Variants in RUFY1 observed in about 807,000 individuals in gnomAD.
The protein encoded by RUFY1 is RUN and FYVE domain containing 1.
In RUFY1, 54 loss-of-function variants were observed where a neutral mutation model predicts 94.6. The observed-to-expected ratio is 0.57, with a 90% CI of 0.46 to 0.72. The LOEUF (loss-of-function observed/expected upper bound fraction) is 0.72. Among genes scored for constraint, RUFY1 ranks in the 30% least tolerant of loss-of-function variants. RUFY1 has a pLI of 0.00. For missense variants in RUFY1, 883 were observed against 883.9 expected, an observed-to-expected ratio of 1.00 and a Z score of 0.01; for synonymous variants, 396 against 347.3, an observed-to-expected ratio of 1.14 and a Z score of -1.56.
rs561005868 is a variant in RUFY1, at chr5:179,583,851, G to A, written c.957-1945G>A. Among the ~76,000 whole-genome samples the A allele has an allele frequency of 5.3e-5, 8 of 152,042 alleles. No individual in the cohort carries two copies. The South Asian group carries it at 6.2e-4, about 12-fold the overall frequency. ...TGCAAGCTTCGCCTCCCAGGTTCAC[G>A]CCATTCTCCTGCCTCAGCCTCCCAA... is the stretch of plus-strand genomic sequence containing the variant. On this transcript the variant is annotated intron_variant, in intron 7 of 17. Transcript: ENST00000319449.
intron 10 of RUFY1, among the ~76,000 whole-genome samples, chr5:179,592,236 C>T (rs2127556005): frequency 6.6e-6 from 1 of 152,274 alleles, no homozygotes; most frequent in South Asian, 2.1e-4. Context: ...TCTCCTGCCT[C>T]AGCCTCCAGA....
Position 179,569,374 on chromosome 5 carries a change from C to CA in RUFY1, c.779dup (p.Asn260LysfsTer28). On this transcript the variant is annotated frameshift_variant, in exon 5 of 18. Coordinates refer to ENST00000319449, the MANE Select transcript of RUFY1 (RefSeq NM_025158.5). LOFTEE classifies it high-confidence loss of function. ...TGATTGTTGGTCTGCTGGTGGGACT[C>CA]AATGTTCTCGATGCCAATCTCTGCT... 6 of 1,613,566 alleles carry CA rather than the reference C, an allele frequency of 3.7e-6. No individual in the cohort carries two copies. Among genetic ancestry groups the CA allele is most frequent in the Non-Finnish European group, 5.1e-6 (6 of 1,179,936 alleles).
At chr5:179,585,201 C>T (rs1764503582) in intron 7 of RUFY1, among the ~76,000 whole-genome samples, 1 of 152,154 alleles carries the variant, frequency 6.6e-6, no homozygotes, top group Non-Finnish European at 1.5e-5. Context: ...ATGAATTTTA[C>T]TTTAGGTATA....
intron 8 of RUFY1, chr5:179,586,564 G>C: frequency 4.9e-6 from 2 of 407,598 alleles, no homozygotes; most frequent in Non-Finnish European, 9.8e-6. Flanking sequence ...CGGCATGGAG[G>C]TGGGTTACAG....
chr5:179,555,080 CT>C (rs1762042829), intron 1 of RUFY1, among the ~76,000 whole-genome samples: 1 of 152,178 alleles, frequency 6.6e-6, no homozygotes, highest in Non-Finnish European at 1.5e-5. Flanking sequence ...TCAACACTGG[CT>C]GTTTTCACGC....
chr5:179,586,625 G>T, intron 8 of RUFY1: 1 of 345,000 alleles, frequency 2.9e-6, no homozygotes, highest in Non-Finnish European at 5.8e-6. Flanking sequence ...CCCCGTGTAA[G>T]CCTCCCTTAA....
At position 179,550,736 on chromosome 5, in the gene RUFY1, CGCGGGCGGCCGAG is replaced by C. The variant is rs1761783762; in HGVS notation, c.169_181del (p.Arg57AlafsTer7). The stretch of plus-strand genomic sequence containing the variant: ...GGCGACCTGCGGAGCGCAACGAGGC[CGCGGGCGGCCGAG>C]GGCTGGTCGGCGCCCATCCTGACCC... On this transcript the variant is annotated frameshift_variant, in exon 1 of 18. Transcript: ENST00000319449. LOFTEE classifies it high-confidence loss of function. 6.8e-7 allele frequency: 1 copy of C among 1,464,650 alleles called. No homozygotes were observed. The allele number at this position is 1,464,650 out of a possible 1,614,324, so 90.7% of individuals were successfully genotyped here. A position where few individuals can be genotyped will look rare whatever the true frequency, so the allele number is the denominator to read the frequency against.
intron 1 of RUFY1, among the ~76,000 whole-genome samples, chr5:179,556,594 G>A (rs951003783): frequency 1.1e-4 from 17 of 151,604 alleles, no homozygotes; most frequent in African/African-American, 3.2e-4. Context: ...TCCGCCTCCC[G>A]AGTTCAAGTG....
chr5:179,595,275 C>T lies in RUFY1; in HGVS notation c.1511+312C>T, dbSNP rs200395765. 2.0e-5 allele frequency among the ~76,000 whole-genome samples: 3 copies of T among 152,152 alleles called. No individual in the cohort carries two copies. The East Asian group carries it at 5.8e-4, about 29-fold the overall frequency. On this transcript the variant is annotated intron_variant, in intron 12 of 17. Transcript: ENST00000319449. ...CGGGCGGATCACGAGGTCAGGAGAT[C>T]GAGACCATCCCGGCTAAAACGGTGA...
chr5:179,591,758 G>C lies in RUFY1; in HGVS notation c.1245+17G>C, dbSNP rs368351522. 1.4e-6 allele frequency: 2 copies of C among 1,430,814 alleles called. No individual in the cohort carries two copies. The highest frequency in any genetic ancestry group is 1.9e-6 in the Non-Finnish European group (2 of 1,029,238). 88.6% of individuals were successfully genotyped at this position (1,430,814 alleles called of 1,614,324 possible). A position where few individuals can be genotyped will look rare whatever the true frequency, so the allele number is the denominator to read the frequency against. Reference sequence around the variant, plus strand: ...GTCCGGTTGGTGAGTGTGCAAGACCGAGTGTCTTTAGAAAGAGTTTCCCCG... The same window carrying C: ...GTCCGGTTGGTGAGTGTGCAAGACCCAGTGTCTTTAGAAAGAGTTTCCCCG... On this transcript the variant is annotated intron_variant, in intron 10 of 17. Coordinates refer to ENST00000319449, the MANE Select transcript of RUFY1 (RefSeq NM_025158.5).
At chr5:179,566,091 T>C (rs1485601064) in intron 3 of RUFY1, among the ~76,000 whole-genome samples, 4 of 151,576 alleles carry the variant, frequency 2.6e-5, no homozygotes, top group African/African-American at 4.8e-5. Context: ...CAGGGAGCCA[T>C]CATCATGCCA....
chr5:179,577,159 CTTTTTTTT>C (rs748319712), intron 6 of RUFY1, 23 bp downstream of exon 6: 359 of 186,382 alleles, frequency 1.9e-3, no homozygotes, highest in African/African-American at 0.013. Context: ...TTGTATGTCA[CTTTTTTTT>C]TTTTTTTTTT....
chr5:179,564,643 T>C (rs530680535), intron 3 of RUFY1, among the ~76,000 whole-genome samples: 1 of 150,546 alleles, frequency 6.6e-6, no homozygotes, highest in Non-Finnish European at 1.5e-5. Context: ...CACTCCTGCC[T>C]GGATGACAGA....
chr5:179,590,752 C>G (rs918049659), intron 9 of RUFY1: 1 of 151,860 alleles, frequency 6.6e-6, no homozygotes, highest in African/African-American at 2.4e-5. Context: ...TCCCAAAGTG[C>G]TGGGATTACA....
rs1228114735 is a variant in RUFY1 at position 179,579,120 on chromosome 5, CAT to C, written c.891-1824_891-1823del. On this transcript the variant is annotated intron_variant, in intron 6 of 17. Transcript: ENST00000319449. ...TCGCGTTTGAATATTTCACCTTGCG[CAT>C]ATGTTACCTGCCCTTCCATGTCTTC... is the stretch of plus-strand genomic sequence containing the variant. Among the ~76,000 whole-genome samples, 4 of 152,268 alleles carry C rather than the reference CAT, an allele frequency of 2.6e-5. No individual in the cohort carries two copies. The South Asian group carries it at 8.3e-4, about 32-fold the overall frequency.
At chr5:179,597,560 C>T (rs774518709) in intron 13 of RUFY1, among the ~76,000 whole-genome samples, 8 of 152,002 alleles carry the variant, frequency 5.3e-5, no homozygotes, top group African/African-American at 7.2e-5. Flanking sequence ...TTATTAGAGA[C>T]AGGGTTTTGC....
At chr5:179,585,970 G>C (rs950241935) in intron 8 of RUFY1, 105 bp downstream of exon 8, 21 of 849,052 alleles carry the variant, frequency 2.5e-5, no homozygotes, top group Non-Finnish European at 3.7e-5. Flanking sequence ...GGTAGGAAGG[G>C]GACTTGCTAG....
chr5:179,591,866 A>G, intron 10 of RUFY1, 125 bp downstream of exon 10: 1 of 586,070 alleles, frequency 1.7e-6, no homozygotes, highest in Non-Finnish European at 2.9e-6. Flanking sequence ...TTCATTAAAA[A>G]AATTTTTTTT....
chr5:179,580,253 T>A (rs1173640093), intron 6 of RUFY1, among the ~76,000 whole-genome samples: 10 of 46,332 alleles, frequency 2.2e-4, no homozygotes, highest in Non-Finnish European at 4.6e-4. Flanking sequence ...ATATTTTTTT[T>A]TTTTTTTGAG....
Sources: gnomAD v4.1 joint callset for allele counts (sites outside exome capture counted in the v4.1 genomes callset) on GRCh38, gnomAD v4.1.1 for gene constraint, MANE v1.5 for transcripts, NCBI Gene and HGNC (gene_info 2026-07-23, HGNC 2026-07-21) for gene names.